Variants in OSBPL8 observed in about 807,000 individuals in gnomAD.
OSBPL8 encodes the protein oxysterol-binding protein-related protein 8.
Under a neutral mutation model 125.5 loss-of-function variants are expected in OSBPL8, and 59 were observed. The ratio of observed to expected loss-of-function variants is 0.47; its 90% confidence interval spans 0.38 to 0.58. The LOEUF is 0.58. OSBPL8 is among the 20% of genes least tolerant of loss of function. OSBPL8 has a pLI of 0.00. For missense variants in OSBPL8, 758 were observed against 1,047.8 expected (o/e 0.72, Z 3.82); for synonymous variants, 330 against 338.9 (o/e 0.97, Z 0.29).
intron 1 of OSBPL8, among the ~76,000 whole-genome samples, chr12:76,512,943 T>C (rs990872217): frequency 6.6e-6 from 1 of 152,240 alleles, no homozygotes; most frequent in Admixed American, 6.5e-5. Flanking sequence ...TTTCTTTTTG[T>C]GGCAATTGTG....
At chr12:76,511,428 C>G (rs767640773) in intron 1 of OSBPL8, among the ~76,000 whole-genome samples, 1 of 152,144 alleles carries the variant, frequency 6.6e-6, no homozygotes, top group Non-Finnish European at 1.5e-5. Flanking sequence ...TTAATAACAG[C>G]CATTCTGACT....
intron 1 of OSBPL8, among the ~76,000 whole-genome samples, chr12:76,551,204 C>G (rs1268361304): frequency 1.3e-5 from 2 of 152,152 alleles, no homozygotes; most frequent in Admixed American, 6.5e-5. Context: ...TTACCCAACC[C>G]CTAAAAGGGG....
At chr12:76,481,730 GTTAAT>G (rs1250365404) in intron 2 of OSBPL8, among the ~76,000 whole-genome samples, 1 of 152,160 alleles carries the variant, frequency 6.6e-6, no homozygotes, top group Non-Finnish European at 1.5e-5. Flanking sequence ...TAATAATGAA[GTTAAT>G]TTAATAGTAT....
At chr12:76,401,056 T>G (rs981327925) in intron 6 of OSBPL8, among the ~76,000 whole-genome samples, 2 of 152,150 alleles carry the variant, frequency 1.3e-5, no homozygotes, top group African/African-American at 4.8e-5. Context: ...GTGCTGGGAT[T>G]ACAGGCGTGA....
At chr12:76,378,835 A>T (rs1015961612) in intron 15 of OSBPL8, among the ~76,000 whole-genome samples, 10 of 151,894 alleles carry the variant, frequency 6.6e-5, no homozygotes, top group Non-Finnish European at 1.5e-4. Context: ...CAGTGGAGTG[A>T]TCTCGACTCA....
chr12:76,536,912 G>T (rs1950516493), intron 1 of OSBPL8: 2 of 151,722 alleles, frequency 1.3e-5, no homozygotes. Flanking sequence ...TCATCCAGTG[G>T]ATGCTATGAT....
chr12:76,542,622 T>C (rs532041079), intron 1 of OSBPL8, among the ~76,000 whole-genome samples: 1 of 152,286 alleles, frequency 6.6e-6, no homozygotes, highest in South Asian at 2.1e-4. Flanking sequence ...TACAGGATTC[T>C]CCCCTTGGAT....
At chr12:76,393,710 CAAAAAAAAAAA>C (rs11423585) in intron 9 of OSBPL8, among the ~76,000 whole-genome samples, 17 of 52,294 alleles carry the variant, frequency 3.3e-4, no homozygotes, top group African/African-American at 4.6e-4. Flanking sequence ...GACTCCGTTT[CAAAAAAAAAAA>C]AAAAAAAAAA....
At chr12:76,537,582 G>A (rs1467984044) in intron 1 of OSBPL8, among the ~76,000 whole-genome samples, 7 of 152,204 alleles carry the variant, frequency 4.6e-5, no homozygotes, top group South Asian at 2.1e-4. Context: ...AGAAATGTAC[G>A]ATGAGAGAGA....
chr12:76,493,975 GTC>G (rs1256399835), intron 1 of OSBPL8, among the ~76,000 whole-genome samples: 10 of 152,032 alleles, frequency 6.6e-5, no homozygotes, highest in Non-Finnish European at 1.5e-4. Flanking sequence ...GCTGTTAACA[GTC>G]TCTATTGCGC....
At chr12:76,374,781 A>G (rs1167432441) in intron 17 of OSBPL8, among the ~76,000 whole-genome samples, 4 of 152,102 alleles carry the variant, frequency 2.6e-5, no homozygotes, top group African/African-American at 9.7e-5. Context: ...TCCCCAGTAT[A>G]CCCTGTCCAA....
In OSBPL8 at chr12:76,355,841, A is replaced by G; in HGVS notation, c.*48T>C. On this transcript the variant is annotated 3_prime_UTR_variant, in exon 24 of 24. Coordinates refer to ENST00000261183, the MANE Select transcript of OSBPL8 (RefSeq NM_020841.5). ...CCAAACCAACTTGAACACTGGTCCCAGGCCAAATCAGATCTTTCTAGTTCA... is the reference window on the plus strand; with the variant it reads ...CCAAACCAACTTGAACACTGGTCCCGGGCCAAATCAGATCTTTCTAGTTCA... The G allele has an allele frequency of 6.3e-7, 1 of 1,580,812 alleles. No individual in the cohort carries two copies. Among genetic ancestry groups the G allele is most frequent in the Non-Finnish European group, 8.6e-7 (1 of 1,165,038 alleles).
intron 4 of OSBPL8, among the ~76,000 whole-genome samples, chr12:76,428,887 TG>T (rs1484213855): frequency 1.3e-5 from 2 of 152,044 alleles, no homozygotes; most frequent in Admixed American, 1.3e-4. Context: ...TAAACCAAAA[TG>T]GGAGCAGATA....
In OSBPL8 at chr12:76,503,765, G is replaced by A. The variant is rs551497462; in HGVS notation, c.-67-16147C>T. 9.8e-4 allele frequency among the ~76,000 whole-genome samples: 148 copies of A among 151,778 alleles called. 1 individual carries two copies. Among genetic ancestry groups the A allele is most frequent in the African/African-American group, 3.5e-3 (143 of 41,382 alleles). ...TCACCGTGCTAGCTAGGATGGTTTCGATCTCCTGACCTCGTGATCCACCTG... is the reference window on the plus strand; with the variant it reads ...TCACCGTGCTAGCTAGGATGGTTTCAATCTCCTGACCTCGTGATCCACCTG... On this transcript the variant is annotated intron_variant, in intron 1 of 23. Transcript: ENST00000261183.
chr12:76,421,327 C>T (rs776491156), intron 4 of OSBPL8, among the ~76,000 whole-genome samples: 23 of 151,920 alleles, frequency 1.5e-4, no homozygotes, highest in Non-Finnish European at 2.8e-4. Context: ...ATAAGAAAGA[C>T]GCATGAGAGC....
At chr12:76,496,730 T>A (rs1037120860) in intron 1 of OSBPL8, among the ~76,000 whole-genome samples, 1 of 152,004 alleles carries the variant, frequency 6.6e-6, no homozygotes, top group Non-Finnish European at 1.5e-5. Context: ...TTAGTAGAGA[T>A]GGGGTTTCAC....
chr12:76,406,460 C>T (rs547661473), intron 5 of OSBPL8, among the ~76,000 whole-genome samples: 1 of 152,304 alleles, frequency 6.6e-6, no homozygotes, highest in South Asian at 2.1e-4. Flanking sequence ...TTTTATCCCA[C>T]TAGACACATT....
intron 15 of OSBPL8, 42 bp from the exon 16 acceptor site, chr12:76,378,592 C>A: frequency 7.3e-7 from 1 of 1,378,660 alleles, no homozygotes; most frequent in South Asian, 1.2e-5. Flanking sequence ...AAAACTTATT[C>A]AACCAATTCA....
chr12:76,374,428 A>C (rs1952735252), intron 17 of OSBPL8, among the ~76,000 whole-genome samples: 1 of 152,110 alleles, frequency 6.6e-6, no homozygotes, highest in African/African-American at 2.4e-5. Context: ...TTCTCCAAAT[A>C]ATAGAAGATG....
Sources: allele counts gnomAD v4.1 joint callset (sites outside exome capture counted in the v4.1 genomes callset), GRCh38; gene constraint gnomAD v4.1.1; transcripts MANE v1.5; gene names NCBI Gene and HGNC (gene_info 2026-07-23, HGNC 2026-07-21).